RAF1: variants seen among roughly 807,000 people sequenced by gnomAD.
The protein encoded by RAF1 is RAF proto-oncogene serine/threonine-protein kinase.
RAF1 carries 27 observed loss-of-function variants against 81.1 expected under a neutral mutation model. The observed-to-expected ratio is 0.33, with a 90% CI of 0.25 to 0.46. RAF1 has a LOEUF of 0.46. Ranked by LOEUF, RAF1 falls within the 20% of genes least tolerant of loss-of-function variation. The probability of loss-of-function intolerance (pLI) is 1.00; values close to 1 mark genes in which losing one functional copy is unlikely to be tolerated. For synonymous variants in RAF1, 298 were observed against 294.0 expected, an observed-to-expected ratio of 1.01 and a Z score of -0.14; for missense variants, 598 against 826.0, an observed-to-expected ratio of 0.72 and a Z score of 3.38.
intron 8 of RAF1, among the ~76,000 whole-genome samples, chr3:12,602,730 A>C (rs2058899227): frequency 6.6e-6 from 1 of 152,210 alleles, no homozygotes; most frequent in Non-Finnish European, 1.5e-5. Flanking sequence ...ATAATGATAA[A>C]GTCAAAATAA....
chr3:12,607,127 T>C (rs1250613908), intron 5 of RAF1, among the ~76,000 whole-genome samples: 1 of 152,162 alleles, frequency 6.6e-6, no homozygotes, highest in East Asian at 1.9e-4. Context: ...AATGCATAGA[T>C]AAAAGACTAA....
intron 1 of RAF1, among the ~76,000 whole-genome samples, chr3:12,626,189 A>C: frequency 6.7e-6 from 1 of 150,170 alleles, no homozygotes; most frequent in Non-Finnish European, 1.5e-5. Flanking sequence ...GGTTGCAGTG[A>C]GCCAAGATAG....
rs573385285 is a variant in RAF1, at chr3:12,634,228, C to T, written c.-26-15481G>A. ...AGTGGCATGACCTTGCTCACTGCAG[C>T]CTCCGCCTCCCAGGTTCAAGCGATT... On this transcript the variant is annotated intron_variant, in intron 1 of 17. Coordinates refer to ENST00000442415, the MANE Select transcript of RAF1 (RefSeq NM_001354689.3). Among the ~76,000 whole-genome samples the T allele has an allele frequency of 3.0e-4, 45 of 151,386 alleles. 1 individual carries two copies. The highest frequency in any genetic ancestry group is 1.0e-3 in the African/African-American group (43 of 41,282).
At chr3:12,593,786 C>CCTT (rs2058599031) in intron 11 of RAF1, among the ~76,000 whole-genome samples, 1 of 111,284 alleles carries the variant, frequency 9.0e-6, no homozygotes, top group African/African-American at 3.2e-5. Flanking sequence ...GGAGTAAATC[C>CCTT]TTTTTTTTTT....
At chr3:12,623,945 C>T (rs950778411) in intron 1 of RAF1, among the ~76,000 whole-genome samples, 7 of 151,546 alleles carry the variant, frequency 4.6e-5, no homozygotes, top group East Asian at 3.9e-4. Flanking sequence ...ACCTCTGCCT[C>T]CCAGGTTCAA....
intron 2 of RAF1, among the ~76,000 whole-genome samples, chr3:12,614,262 C>G (rs2059305283): frequency 2.0e-5 from 3 of 151,960 alleles, no homozygotes; most frequent in Admixed American, 2.0e-4. Flanking sequence ...TTGTACATAC[C>G]AAAATAGTTC....
intron 1 of RAF1, among the ~76,000 whole-genome samples, chr3:12,620,726 C>A (rs1051170043): frequency 4.6e-5 from 7 of 152,126 alleles, no homozygotes; most frequent in African/African-American, 1.7e-4. Flanking sequence ...AATCCACTCT[C>A]CTTAGCCTCC....
rs544407496 is a variant in RAF1 at position 12,642,401 on chromosome 3, C to T, written c.-27+21412G>A. ...GCAGGCGCTTGTAATCCCAGCTAGT[C>T]GGGAGGCTGAGGCAGGAGGAGAATG... On this transcript the variant is annotated intron_variant, in intron 1 of 17. Transcript: ENST00000442415. Among the ~76,000 whole-genome samples the T allele has an allele frequency of 2.2e-3, 329 of 149,792 alleles. 1 individual carries two copies. The highest frequency in any genetic ancestry group is 7.7e-3 in the African/African-American group (313 of 40,746).
intron 1 of RAF1, among the ~76,000 whole-genome samples, chr3:12,636,320 G>C (rs1429067726): frequency 6.6e-6 from 1 of 151,052 alleles, no homozygotes; most frequent in Non-Finnish European, 1.5e-5. Flanking sequence ...GGGTTTGGTG[G>C]TACATACCAC....
At chr3:12,646,370 G>A (rs528440551) in intron 1 of RAF1, among the ~76,000 whole-genome samples, 1 of 142,284 alleles carries the variant, frequency 7.0e-6, no homozygotes, top group South Asian at 2.1e-4. Context: ...CGATATTACC[G>A]GTTTCTTTTA....
At chr3:12,590,738 T>C in intron 13 of RAF1, 60 bp downstream of exon 12, 4 of 1,529,654 alleles carry the variant, frequency 2.6e-6, no homozygotes, top group Non-Finnish European at 3.6e-6. Flanking sequence ...TGATCCTGGT[T>C]CCAATTTAGG....
At chr3:12,595,241 T>C (rs143870413) in intron 11 of RAF1, among the ~76,000 whole-genome samples, 2 of 152,132 alleles carry the variant, frequency 1.3e-5, no homozygotes, top group African/African-American at 4.8e-5. Flanking sequence ...CCCACCTAAT[T>C]TTTAAAATTT....
At position 12,599,597 on chromosome 3, in the gene RAF1, A is replaced by G. The variant is rs529109387; in HGVS notation, c.1168+94T>C. ...GGGAGAGTACTGCTATAAGCCCAGG[A>G]GCACTCAGTCCTCTCCTCCTCCTGG... On this transcript the variant is annotated intron_variant, in intron 11 of 17. Transcript: ENST00000442415. 5.7e-6 allele frequency: 5 copies of G among 870,720 alleles called. No individual in the cohort carries two copies. The Admixed American group carries it at 6.8e-5, about 12-fold the overall frequency. 53.9% of individuals were successfully genotyped at this position (870,720 alleles called of 1,614,324 possible).
At chr3:12,646,548 T>C (rs1250922079) in intron 1 of RAF1, among the ~76,000 whole-genome samples, 2 of 146,634 alleles carry the variant, frequency 1.4e-5, no homozygotes, top group Non-Finnish European at 3.0e-5. Context: ...CTAATTTTTG[T>C]ATTTGTCTTT....
chr3:12,652,950 AAAT>A (rs1406501768), intron 1 of RAF1, among the ~76,000 whole-genome samples: 1 of 28,024 alleles, frequency 3.6e-5, no homozygotes, highest in African/African-American at 1.0e-4. Context: ...CAAAAAAAAA[AAAT>A]TTTTTTAATT....
intron 14 of RAF1, chr3:12,587,155 T>G (rs559440071): frequency 5.6e-6 from 1 of 178,394 alleles, no homozygotes; most frequent in African/African-American, 2.4e-5. Context: ...TAATTAGTGA[T>G]TTTGGAAACC....
intron 1 of RAF1, among the ~76,000 whole-genome samples, chr3:12,639,042 A>G (rs917166048): frequency 2.0e-5 from 1 of 51,176 alleles, no homozygotes; most frequent in African/African-American, 8.4e-5. Flanking sequence ...GTGCTGCTGG[A>G]TCAAGCTGCC....
At chr3:12,645,522 T>G (rs1211786704) in intron 1 of RAF1, among the ~76,000 whole-genome samples, 1 of 152,248 alleles carries the variant, frequency 6.6e-6, no homozygotes, top group Non-Finnish European at 1.5e-5. Flanking sequence ...TTTGAAATTT[T>G]TATTGTTTAA....
intron 11 of RAF1, among the ~76,000 whole-genome samples, chr3:12,598,538 G>C (rs149661503): frequency 6.6e-6 from 1 of 152,030 alleles, no homozygotes; most frequent in African/African-American, 2.4e-5. Flanking sequence ...TTGGAGACCA[G>C]CCTGGGCAAC....
Sources: gnomAD v4.1 joint callset for allele counts (sites outside exome capture counted in the v4.1 genomes callset) on GRCh38, gnomAD v4.1.1 for gene constraint, MANE v1.5 for transcripts, NCBI Gene and HGNC (gene_info 2026-07-23, HGNC 2026-07-21) for gene names.